Variants in DMD observed in about 807,000 individuals in gnomAD.
DMD encodes mutant dystrophin.
Under a neutral mutation model 330.1 loss-of-function variants are expected in DMD, and 63 were observed. The ratio of observed to expected loss-of-function variants is 0.19; its 90% confidence interval spans 0.16 to 0.24. The LOEUF is 0.24. Ranked by LOEUF, DMD falls within the 10% of genes least tolerant of loss-of-function variation. The probability of loss-of-function intolerance (pLI) is 1.00; values close to 1 mark genes in which losing one functional copy is unlikely to be tolerated. For synonymous variants in DMD, 1,223 were observed against 959.8 expected (o/e 1.27, Z -5.07); for missense variants, 3,344 against 2,684.1 (o/e 1.25, Z -5.43).
intron 17 of DMD, among the ~76,000 whole-genome samples, chrX:32,521,306 A>G (rs2046396813): frequency 1.8e-5 from 2 of 112,008 alleles, no homozygotes; most frequent in African/African-American, 6.5e-5. Context: ...AGTAGCTAGG[A>G]CTACAGTTAA....
chrX:31,656,965 G>A (rs775076869), intron 54 of DMD, among the ~76,000 whole-genome samples: 1 of 111,463 alleles, frequency 9.0e-6, no homozygotes, highest in South Asian at 3.7e-4. Flanking sequence ...ACTCTCTAAT[G>A]TCTAGCTCAG....
At chrX:32,562,706 T>A (rs1194998048) in intron 16 of DMD, among the ~76,000 whole-genome samples, 2 of 112,575 alleles carry the variant, frequency 1.8e-5, no homozygotes, top group African/African-American at 3.2e-5. Flanking sequence ...CTTGGAATTC[T>A]CCTTATGTAA....
intron 4 of DMD, among the ~76,000 whole-genome samples, chrX:32,841,232 T>C (rs1316805216): frequency 9.0e-6 from 1 of 110,977 alleles, no homozygotes; most frequent in Non-Finnish European, 1.9e-5. Flanking sequence ...CTAGAAAACC[T>C]AAAATTTAAA....
chrX:32,352,716 T>G (rs1173524752), intron 37 of DMD, among the ~76,000 whole-genome samples: 2 of 110,865 alleles, frequency 1.8e-5, no homozygotes, highest in Non-Finnish European at 3.8e-5. Context: ...CTTACGTCGG[T>G]CTTATTATCT....
intron 45 of DMD, among the ~76,000 whole-genome samples, chrX:31,943,320 G>A (rs926364154): frequency 1.8e-5 from 2 of 112,141 alleles, no homozygotes; most frequent in African/African-American, 3.2e-5. Flanking sequence ...AGTGGTATGC[G>A]AAGTCATGAA....
At chrX:31,687,702 C>G (rs1270224572) in intron 52 of DMD, among the ~76,000 whole-genome samples, 2 of 112,369 alleles carry the variant, frequency 1.8e-5, no homozygotes, top group Non-Finnish European at 3.8e-5. Flanking sequence ...CCTCAGACAG[C>G]ATCTCTGGAT....
At position 32,719,071 on chromosome X, in the gene DMD, G is replaced by A. The variant is rs1433451065; in HGVS notation, c.650-19778C>T. Among the ~76,000 whole-genome samples, 18 of 111,624 alleles carry A rather than the reference G, an allele frequency of 1.6e-4. No homozygotes were observed. The Admixed American group carries it at 1.7e-3, about 11-fold the overall frequency. On this transcript the variant is annotated intron_variant, in intron 7 of 78. Coordinates refer to ENST00000357033, the MANE Select transcript of DMD (RefSeq NM_004006.3). Reference sequence around the variant, plus strand: ...CTCAACTAGAGAAGGTAGGCAAATAGGTGATTCACAAACACTAAACATAAC... The same window carrying A: ...CTCAACTAGAGAAGGTAGGCAAATAAGTGATTCACAAACACTAAACATAAC...
intron 48 of DMD, among the ~76,000 whole-genome samples, chrX:31,845,784 T>C (rs1455699354): frequency 9.0e-6 from 1 of 111,429 alleles, no homozygotes; most frequent in African/African-American, 3.3e-5. Context: ...CAGAGGAGCC[T>C]GTCCCTATAT....
At chrX:31,556,573 C>T (rs1418397753) in intron 55 of DMD, among the ~76,000 whole-genome samples, 1 of 106,007 alleles carries the variant, frequency 9.4e-6, no homozygotes, top group African/African-American at 3.4e-5. Flanking sequence ...ATTTGTGAGG[C>T]CACATCCAGA....
chrX:32,531,116 G>A (rs5928003), intron 17 of DMD, among the ~76,000 whole-genome samples: 51,086 of 109,720 alleles, frequency 0.47, 8,984 homozygotes, highest in African/African-American at 0.6. Context: ...TACTTACACA[G>A]AAATATAAAA....
intron 1 of DMD, among the ~76,000 whole-genome samples, chrX:33,074,415 A>ATTTT (rs3083149): frequency 3.1e-4 from 31 of 101,365 alleles, no homozygotes; most frequent in African/African-American, 1.0e-3. Flanking sequence ...TTAACACTAT[A>ATTTT]TTTTTTTTTT....
Position 32,287,519 on chromosome X carries a change from T to G in DMD, c.6290+10A>C, listed in dbSNP as rs777347376. 1 of 1,207,264 alleles carries G rather than the reference T, an allele frequency of 8.3e-7. No homozygotes were observed. The highest frequency in any genetic ancestry group is 1.7e-5 in the African/African-American group (1 of 57,636). ...CTGCAAGTATCAAGAAAAATATATG[T>G]GTTACCTACCCTTGTCGGTCCTTGT... On this transcript the variant is annotated intron_variant, in intron 43 of 78. Transcript: ENST00000357033.
At chrX:32,780,275 A>G (rs73621829) in intron 7 of DMD, among the ~76,000 whole-genome samples, 2,950 of 112,444 alleles carry the variant, frequency 0.026, 96 homozygotes, top group African/African-American at 0.091. Context: ...GGAATTCTAT[A>G]CTAGAAGCCG....
intron 44 of DMD, among the ~76,000 whole-genome samples, chrX:32,209,769 A>G (rs1467557767): frequency 1.8e-5 from 2 of 111,702 alleles, no homozygotes; most frequent in Non-Finnish European, 3.8e-5. Flanking sequence ...CGTGGTTACT[A>G]CAGTAAGTTA....
At chrX:31,203,135 A>T (rs2043673053) in intron 67 of DMD, among the ~76,000 whole-genome samples, 1 of 108,482 alleles carries the variant, frequency 9.2e-6, no homozygotes, top group Non-Finnish European at 1.9e-5. Context: ...TACAAAAATT[A>T]GCTTGGGGTG....
At chrX:32,860,664 GA>G (rs1316705637) in intron 2 of DMD, among the ~76,000 whole-genome samples, 1 of 110,635 alleles carries the variant, frequency 9.0e-6, no homozygotes, top group African/African-American at 3.3e-5. Flanking sequence ...ATACATAGAG[GA>G]AAGTACACGT....
intron 67 of DMD, among the ~76,000 whole-genome samples, chrX:31,187,190 G>A (rs754578870): frequency 8.9e-6 from 1 of 112,504 alleles, no homozygotes; most frequent in East Asian, 2.8e-4. Context: ...AAAGGCAATT[G>A]GAACCGTGTC....
At chrX:32,538,036 A>T (rs1268564907) in intron 17 of DMD, among the ~76,000 whole-genome samples, 1 of 112,404 alleles carries the variant, frequency 8.9e-6, no homozygotes, top group African/African-American at 3.2e-5. Context: ...ATCCTGGCCC[A>T]GGGAAGCTTT....
chrX:31,429,586 G>A (rs1471199077), intron 60 of DMD, among the ~76,000 whole-genome samples: 1 of 111,756 alleles, frequency 8.9e-6, no homozygotes, highest in African/African-American at 3.3e-5. Context: ...TCCCCAGAGT[G>A]AGCATTCCAG....
Sources: allele counts gnomAD v4.1 joint callset (sites outside exome capture counted in the v4.1 genomes callset), GRCh38; gene constraint gnomAD v4.1.1; transcripts MANE v1.5; gene names NCBI Gene and HGNC (gene_info 2026-07-23, HGNC 2026-07-21).